The following SIK3 variants were observed in gnomAD, a reference collection of about 807,000 sequenced individuals.
SIK3 encodes serine/threonine-protein kinase SIK3.
SIK3 carries 28 observed loss-of-function variants against 144.2 expected under a neutral mutation model. The observed-to-expected ratio is 0.19, with a 90% CI of 0.14 to 0.27. The LOEUF is 0.27. Among genes scored for constraint, SIK3 ranks in the 10% least tolerant of loss-of-function variants. The probability of loss-of-function intolerance (pLI) is 1.00; values close to 1 mark genes in which losing one functional copy is unlikely to be tolerated. For missense variants in SIK3, 1,319 were observed against 1,776.0 expected, an observed-to-expected ratio of 0.74 and a Z score of 4.62; for synonymous variants, 686 against 676.3, an observed-to-expected ratio of 1.01 and a Z score of -0.22.
rs541511530 is a variant in SIK3 at position 116,875,830 on chromosome 11, C to T, written c.1239+36G>A. On this transcript the variant is annotated intron_variant, in intron 9 of 24. Transcript: ENST00000445177. The stretch of plus-strand genomic sequence containing the variant: ...GCTAACCTTTACCCCCCTGGTGTTA[C>T]TTGTCCTGAACTAGGTCACTGGAGT... 19 of 1,571,170 alleles carry T rather than the reference C, an allele frequency of 1.2e-5. No homozygotes were observed. The East Asian group carries it at 4.0e-4, about 33-fold the overall frequency.
intron 1 of SIK3, among the ~76,000 whole-genome samples, chr11:116,975,948 A>G (rs1210586397): frequency 6.6e-6 from 1 of 152,078 alleles, no homozygotes; most frequent in Non-Finnish European, 1.5e-5. Flanking sequence ...TTTCATTTGC[A>G]TTTTCCTAAT....
intron 1 of SIK3, among the ~76,000 whole-genome samples, chr11:117,018,023 G>A (rs574921693): frequency 1.3e-5 from 2 of 152,052 alleles, no homozygotes; most frequent in East Asian, 1.9e-4. Flanking sequence ...TGGAAAACAC[G>A]ATGTCCCTAA....
rs746890961 is a variant in SIK3, at chr11:116,859,522, A to G, written c.2508T>C (p.Pro836=). The part of the protein sequence containing the change: ...FQQQPENCSS[P]PNVALTCLGM... ...CCAAGCAGGTTAGTGCCACGTTGGG[A>G]GGAGAGGAACAGTTCTCAGGTTGCT... Residue 836 remains proline (P), a synonymous_variant, in exon 20 of 25, where the codon CCT becomes CCC. Transcript: ENST00000445177. The G allele has an allele frequency of 1.9e-6, 3 of 1,614,188 alleles. No individual in the cohort carries two copies. The South Asian group carries it at 3.3e-5, about 18-fold the overall frequency.
chr11:116,975,012 A>T (rs1285616578), intron 1 of SIK3, among the ~76,000 whole-genome samples: 4 of 152,112 alleles, frequency 2.6e-5, no homozygotes, highest in Non-Finnish European at 1.5e-5. Context: ...ATTTGTTTTA[A>T]TCTGTTGATC....
rs1392845574 is a variant in SIK3 at position 116,847,670 on chromosome 11, G to A, written c.3820-62C>T. The A allele has an allele frequency of 3.1e-6, 5 of 1,604,398 alleles. No individual in the cohort carries two copies. In the Admixed American group the frequency reaches 6.7e-5, roughly 21 times the overall value. On this transcript the variant is annotated intron_variant, in intron 22 of 24. Coordinates refer to ENST00000445177, the MANE Select transcript of SIK3 (RefSeq NM_001366686.3). ...AGACACCACTCTCAGGCAACCCCTA[G>A]AGACAGCTGGTCCTTCTGAAGGAGC...
At chr11:116,870,041 G>T in intron 14 of SIK3, 2 of 1,215,082 alleles carry the variant, frequency 1.6e-6, no homozygotes, top group African/African-American at 1.5e-5. Context: ...AATACTATCA[G>T]AGTTGCAATA....
intron 21 of SIK3, among the ~76,000 whole-genome samples, chr11:116,851,251 G>A (rs1942414255): frequency 6.6e-6 from 1 of 152,118 alleles, no homozygotes; most frequent in Admixed American, 6.5e-5. Flanking sequence ...GGTTTTCTGA[G>A]TTAAAGCTTC....
intron 1 of SIK3, chr11:117,035,955 T>C (rs1952482147): frequency 4.4e-6 from 7 of 1,584,392 alleles, no homozygotes; most frequent in Non-Finnish European, 6.0e-6. Context: ...TTCACATCCA[T>C]GAAGCAGGAA....
At chr11:117,077,850 CT>C (rs1360426928) in intron 1 of SIK3, among the ~76,000 whole-genome samples, 1 of 152,198 alleles carries the variant, frequency 6.6e-6, no homozygotes, top group Non-Finnish European at 1.5e-5. Flanking sequence ...TTCAGTGTCA[CT>C]TAATTCCAGG....
intron 1 of SIK3, among the ~76,000 whole-genome samples, chr11:116,991,354 T>C (rs2135558375): frequency 6.6e-6 from 1 of 152,174 alleles, no homozygotes; most frequent in South Asian, 2.1e-4. Context: ...GGCTGAGGCA[T>C]GAGAATCACT....
At chr11:117,072,216 C>T (rs1392605826) in intron 1 of SIK3, among the ~76,000 whole-genome samples, 2 of 151,950 alleles carry the variant, frequency 1.3e-5, no homozygotes, top group Admixed American at 1.3e-4. Context: ...GGCAAAACCC[C>T]ATCTCCACAA....
intron 3 of SIK3, among the ~76,000 whole-genome samples, chr11:116,929,790 C>T (rs1947497416): frequency 6.6e-6 from 1 of 152,186 alleles, no homozygotes; most frequent in African/African-American, 2.4e-5. Context: ...TTGCAAAAGA[C>T]ATTTTTGAAA....
At chr11:117,074,581 A>G (rs1954420962) in intron 1 of SIK3, among the ~76,000 whole-genome samples, 1 of 152,218 alleles carries the variant, frequency 6.6e-6, no homozygotes, top group Non-Finnish European at 1.5e-5. Context: ...ATAAAACCCT[A>G]ACATATTTTT....
At chr11:117,026,603 T>C (rs1398667472) in intron 1 of SIK3, among the ~76,000 whole-genome samples, 2 of 152,220 alleles carry the variant, frequency 1.3e-5, no homozygotes, top group Admixed American at 1.3e-4. Flanking sequence ...CAATTAAAAA[T>C]GTCCCAAAGC....
At chr11:117,075,488 C>T (rs767220912) in intron 1 of SIK3, among the ~76,000 whole-genome samples, 1 of 151,998 alleles carries the variant, frequency 6.6e-6, no homozygotes, top group Non-Finnish European at 1.5e-5. Context: ...TCCTGACTTG[C>T]TATACGTATC....
At chr11:116,883,836 A>T (rs1944671503) in intron 6 of SIK3, among the ~76,000 whole-genome samples, 1 of 152,118 alleles carries the variant, frequency 6.6e-6, no homozygotes, top group African/African-American at 2.4e-5. Flanking sequence ...CAGGAGGCTG[A>T]GGCAGGAGAA....
Position 116,965,734 on chromosome 11 carries a change from A to AATATATATATATATATATATATAT in SIK3, c.274-8694_274-8671dup, listed in dbSNP as rs58587995. Reference sequence around the variant, plus strand: ...CATGGTGAAAACCCGTCTCTGCTAAAATATATATATATATATATATATATA... The same window carrying AATATATATATATATATATATATAT: ...CATGGTGAAAACCCGTCTCTGCTAAAATATATATATATATATATATATATATATATATATATATATATATATATA... On this transcript the variant is annotated intron_variant, in intron 1 of 24. Coordinates refer to ENST00000445177, the MANE Select transcript of SIK3 (RefSeq NM_001366686.3). Among the ~76,000 whole-genome samples the AATATATATATATATATATATATAT allele has an allele frequency of 3.4e-5, 4 of 118,378 alleles. 1 individual carries two copies. The highest frequency in any genetic ancestry group is 8.8e-5 in the Admixed American group (1 of 11,326). 77.7% of individuals were successfully genotyped at this position (118,378 alleles called of 152,430 possible).
At chr11:116,947,261 A>T (rs922776217) in intron 3 of SIK3, among the ~76,000 whole-genome samples, 4 of 101,360 alleles carry the variant, frequency 3.9e-5, no homozygotes, top group African/African-American at 1.4e-4. Context: ...TTATTTATAT[A>T]TTATATATAT....
chr11:117,090,222 A>G (rs1226958812), intron 1 of SIK3, among the ~76,000 whole-genome samples: 1 of 152,186 alleles, frequency 6.6e-6, no homozygotes, highest in East Asian at 1.9e-4. Context: ...CTGTATGACT[A>G]CATTATTATC....
Sources: allele counts gnomAD v4.1 joint callset (sites outside exome capture counted in the v4.1 genomes callset), GRCh38; gene constraint gnomAD v4.1.1; transcripts MANE v1.5; gene names NCBI Gene and HGNC (gene_info 2026-07-23, HGNC 2026-07-21).